Variants in CTNND2 observed in about 807,000 individuals in gnomAD.
CTNND2 encodes the protein catenin delta 2.
A neutral mutation model predicts 144.4 loss-of-function variants in CTNND2; 22 were observed. The observed-to-expected ratio is 0.15, with a 90% confidence interval of 0.11 to 0.22. The LOEUF (loss-of-function observed/expected upper bound fraction) is 0.22. Ranked by LOEUF, CTNND2 falls within the 10% of genes least tolerant of loss-of-function variation. The pLI is 1.00. For missense variants in CTNND2, 1,353 were observed against 1,618.8 expected (o/e 0.84, Z 2.82); for synonymous variants, 751 against 695.6 (o/e 1.08, Z -1.25).
intron 3 of CTNND2, among the ~76,000 whole-genome samples, chr5:11,451,790 T>C (rs1409452501): frequency 1.3e-5 from 2 of 152,214 alleles, no homozygotes; most frequent in Admixed American, 6.5e-5. Flanking sequence ...TATTTTTAAT[T>C]TGAGAGAAGA....
chr5:11,865,952 C>A lies in CTNND2; in HGVS notation c.37+37865G>T, dbSNP rs558098445. On this transcript the variant is annotated intron_variant, in intron 1 of 21. Transcript: ENST00000304623. ...CTAGAGCCTCCAGAAAGGAACACAG[C>A]CCTAGTGACACCTTGATTTTAGCCA... Among the ~76,000 whole-genome samples the A allele has an allele frequency of 7.1e-5, 10 of 140,056 alleles. No individual in the cohort carries two copies. The South Asian group carries it at 2.3e-3, about 33-fold the overall frequency. The allele number at this position is 140,056 out of a possible 152,430, so 91.9% of individuals were successfully genotyped here.
chr5:11,466,346 A>G (rs116202282), intron 3 of CTNND2, among the ~76,000 whole-genome samples: 1,792 of 152,282 alleles, frequency 0.012, 44 homozygotes, highest in African/African-American at 0.041. Context: ...TGGAACAACT[A>G]CTAATCTCCG....
At chr5:11,097,570 T>G (rs1167849407) in intron 15 of CTNND2, among the ~76,000 whole-genome samples, 1 of 151,998 alleles carries the variant, frequency 6.6e-6, no homozygotes, top group Non-Finnish European at 1.5e-5. Context: ...ACTGTAGTAA[T>G]GGAAACAAAG....
chr5:11,109,493 T>A (rs1168831923), intron 14 of CTNND2, among the ~76,000 whole-genome samples: 6 of 152,172 alleles, frequency 3.9e-5, no homozygotes, highest in African/African-American at 9.7e-5. Context: ...AGGGTCAACA[T>A]AAATTTCTGG....
At chr5:11,167,105 C>G (rs568670716) in intron 11 of CTNND2, among the ~76,000 whole-genome samples, 4 of 152,180 alleles carry the variant, frequency 2.6e-5, no homozygotes, top group Non-Finnish European at 5.9e-5. Context: ...AAGGTCGATT[C>G]TTTTAGAATT....
intron 7 of CTNND2, among the ~76,000 whole-genome samples, chr5:11,371,440 C>G (rs907047667): frequency 3.3e-5 from 5 of 152,150 alleles, no homozygotes; most frequent in African/African-American, 1.2e-4. Context: ...TAAAACTTAT[C>G]TCAAAGAAGG....
intron 3 of CTNND2, among the ~76,000 whole-genome samples, chr5:11,477,984 C>T (rs1767916986): frequency 6.6e-6 from 1 of 152,182 alleles, no homozygotes; most frequent in Non-Finnish European, 1.5e-5. Context: ...AGTCATCCAG[C>T]TTTGGGTGGT....
intron 2 of CTNND2, among the ~76,000 whole-genome samples, chr5:11,650,316 A>G (rs1782585139): frequency 6.6e-6 from 1 of 152,234 alleles, no homozygotes; most frequent in African/African-American, 2.4e-5. Flanking sequence ...GGTCTCTGCA[A>G]CCATGCTTCC....
intron 3 of CTNND2, among the ~76,000 whole-genome samples, chr5:11,514,202 G>A (rs1355071444): frequency 2.7e-5 from 4 of 148,608 alleles, no homozygotes; most frequent in Non-Finnish European, 3.0e-5. Flanking sequence ...AAAAGAAAAA[G>A]AAAAAAAAAA....
intron 1 of CTNND2, among the ~76,000 whole-genome samples, chr5:11,812,547 C>G (rs2126912021): frequency 6.6e-6 from 1 of 152,206 alleles, no homozygotes; most frequent in Non-Finnish European, 1.5e-5. Flanking sequence ...GCTTGGCCAC[C>G]ACATTGGGGC....
intron 9 of CTNND2, among the ~76,000 whole-genome samples, chr5:11,333,565 G>T (rs946710538): frequency 2.0e-5 from 3 of 152,178 alleles, no homozygotes; most frequent in African/African-American, 7.2e-5. Context: ...GAGATGATCA[G>T]TCAGATCAGA....
At chr5:11,083,871 T>C in intron 15 of CTNND2, 1 of 1,111,534 alleles carries the variant, frequency 9.0e-7, no homozygotes, top group Non-Finnish European at 1.1e-6. Context: ...ACCCCAGAGC[T>C]GGCTCTCACC....
chr5:11,464,668 T>C (rs921753501), intron 3 of CTNND2, among the ~76,000 whole-genome samples: 5 of 152,022 alleles, frequency 3.3e-5, no homozygotes, highest in Admixed American at 2.0e-4. Flanking sequence ...AGGCTAGCCA[T>C]GGGGCAGAGA....
At chr5:11,361,127 T>C (rs976434642) in intron 8 of CTNND2, among the ~76,000 whole-genome samples, 1 of 152,134 alleles carries the variant, frequency 6.6e-6, no homozygotes, top group African/African-American at 2.4e-5. Context: ...TTCAAGTGAT[T>C]CTCCTGCCTC....
chr5:11,327,226 G>C (rs1040288101), intron 9 of CTNND2, among the ~76,000 whole-genome samples: 1 of 152,144 alleles, frequency 6.6e-6, no homozygotes, highest in African/African-American at 2.4e-5. Flanking sequence ...AGTCAAGCAA[G>C]GGAAAGAATA....
At chr5:11,826,073 G>A (rs1394890412) in intron 1 of CTNND2, among the ~76,000 whole-genome samples, 1 of 152,030 alleles carries the variant, frequency 6.6e-6, no homozygotes, top group East Asian at 1.9e-4. Flanking sequence ...AGTAGAAACA[G>A]TAAAAGTCAA....
At chr5:11,552,729 T>C (rs936967456) in intron 3 of CTNND2, among the ~76,000 whole-genome samples, 2 of 152,216 alleles carry the variant, frequency 1.3e-5, no homozygotes, top group African/African-American at 2.4e-5. Context: ...ATCTGAACAC[T>C]TGGAATCATG....
chr5:11,433,139 G>T (rs575915229), intron 3 of CTNND2, among the ~76,000 whole-genome samples: 1 of 152,170 alleles, frequency 6.6e-6, no homozygotes. Flanking sequence ...CCAGCTACTT[G>T]GGAGGCTGAG....
chr5:11,295,908 A>T (rs1748913792), intron 9 of CTNND2, among the ~76,000 whole-genome samples: 1 of 152,192 alleles, frequency 6.6e-6, no homozygotes, highest in Non-Finnish European at 1.5e-5. Flanking sequence ...AATACCATTC[A>T]GGACATAGGC....
Sources: gnomAD v4.1 joint callset for allele counts (sites outside exome capture counted in the v4.1 genomes callset) on GRCh38, gnomAD v4.1.1 for gene constraint, MANE v1.5 for transcripts, NCBI Gene and HGNC (gene_info 2026-07-23, HGNC 2026-07-21) for gene names.